Variants in SPON1 observed in about 807,000 individuals in gnomAD.
The protein encoded by SPON1 is spondin 1.
Under a neutral mutation model 111.7 loss-of-function variants are expected in SPON1, and 52 were observed. That is an observed-to-expected ratio of 0.47 (90% CI 0.37 to 0.59). The LOEUF (loss-of-function observed/expected upper bound fraction) is 0.59. Ranked by LOEUF, SPON1 falls within the 20% of genes least tolerant of loss-of-function variation. SPON1 has a pLI of 0.00. For synonymous variants in SPON1, 410 were observed against 395.8 expected, an observed-to-expected ratio of 1.04 and a Z score of -0.43; for missense variants, 957 against 1,068.5, an observed-to-expected ratio of 0.90 and a Z score of 1.46.
intron 2 of SPON1, among the ~76,000 whole-genome samples, chr11:14,015,764 G>GT (rs1554914236): frequency 4.6e-5 from 7 of 152,198 alleles, no homozygotes. Flanking sequence ...TATGTTGGCT[G>GT]TTTGGCGATG....
At chr11:14,172,064 G>A (rs1168971706) in intron 6 of SPON1, among the ~76,000 whole-genome samples, 32 of 152,056 alleles carry the variant, frequency 2.1e-4, no homozygotes, top group East Asian at 9.7e-4. Flanking sequence ...TTTCTGTCTC[G>A]TTGATCTGTC....
chr11:14,218,252 T>C (rs1392166545), intron 6 of SPON1, among the ~76,000 whole-genome samples: 1 of 152,140 alleles, frequency 6.6e-6, no homozygotes, highest in Non-Finnish European at 1.5e-5. Flanking sequence ...ATATCATACC[T>C]CCTTCTCCCT....
rs566448136 is a variant in SPON1, at chr11:14,000,076, C to T, written c.345+17123C>T. Among the ~76,000 whole-genome samples the T allele has an allele frequency of 2.6e-5, 4 of 152,322 alleles. No homozygotes were observed. In the South Asian group the frequency reaches 6.2e-4, roughly 24 times the overall value. On this transcript the variant is annotated intron_variant, in intron 2 of 15. Coordinates refer to ENST00000576479, the MANE Select transcript of SPON1 (RefSeq NM_006108.4). ...TAATTATTCAACATGGTTCATCTCT[C>T]TAGCATTCCAAGGTTTTTCTATGTT...
intron 3 of SPON1, among the ~76,000 whole-genome samples, chr11:14,051,707 T>C (rs1848709295): frequency 6.6e-6 from 1 of 152,176 alleles, no homozygotes; most frequent in Non-Finnish European, 1.5e-5. Context: ...AAATAAATTC[T>C]GTTGTTTATA....
chr11:14,184,806 GC>G (rs1180093045), intron 6 of SPON1, among the ~76,000 whole-genome samples: 4 of 152,176 alleles, frequency 2.6e-5, no homozygotes, highest in Admixed American at 6.5e-5. Context: ...AAAACAACAG[GC>G]CTATTTGCCC....
intron 3 of SPON1, among the ~76,000 whole-genome samples, chr11:14,046,993 A>C (rs1309594971): frequency 2.6e-5 from 4 of 152,114 alleles, no homozygotes; most frequent in Non-Finnish European, 4.4e-5. Context: ...TGTGCTTTCT[A>C]ATCATTGATC....
At chr11:13,976,808 T>C (rs1848106954) in intron 1 of SPON1, among the ~76,000 whole-genome samples, 2 of 152,242 alleles carry the variant, frequency 1.3e-5, no homozygotes, top group Admixed American at 1.3e-4. Context: ...AGATCATGAC[T>C]AGCTCTTCAG....
intron 6 of SPON1, among the ~76,000 whole-genome samples, chr11:14,154,247 A>G (rs1488505052): frequency 6.6e-6 from 1 of 152,208 alleles, no homozygotes; most frequent in African/African-American, 2.4e-5. Context: ...TCCCCTCTGC[A>G]CTGTCATAGT....
At chr11:14,028,048 G>A (rs982238570) in intron 2 of SPON1, among the ~76,000 whole-genome samples, 22 of 152,152 alleles carry the variant, frequency 1.4e-4, no homozygotes, top group African/African-American at 4.6e-4. Flanking sequence ...TAAATCCAGC[G>A]GTTATTAGCT....
intron 5 of SPON1, among the ~76,000 whole-genome samples, chr11:14,084,647 C>T (rs921162735): frequency 1.3e-5 from 2 of 152,170 alleles, no homozygotes; most frequent in African/African-American, 4.8e-5. Flanking sequence ...GATTTATAAT[C>T]CTTTGGGTAT....
chr11:14,258,730 T>C (rs1554941511), intron 11 of SPON1, among the ~76,000 whole-genome samples: 1 of 152,200 alleles, frequency 6.6e-6, no homozygotes, highest in African/African-American at 2.4e-5. Flanking sequence ...TTCACGATGG[T>C]TTATTGCTAG....
intron 6 of SPON1, among the ~76,000 whole-genome samples, chr11:14,170,452 T>G (rs1348807307): frequency 2.0e-5 from 3 of 152,196 alleles, no homozygotes; most frequent in Admixed American, 6.5e-5. Context: ...CAGGGACAAT[T>G]TGACTTCCTC....
chr11:14,096,337 A>T (rs1486167970), intron 5 of SPON1, among the ~76,000 whole-genome samples: 4 of 151,974 alleles, frequency 2.6e-5, no homozygotes, highest in Admixed American at 2.0e-4. Context: ...GTCCCAGAGG[A>T]TTTCTCTCAC....
In SPON1 at chr11:13,966,763, A is replaced by C. The variant is rs535340446; in HGVS notation, c.238+3621A>C. ...CTTTGATGTTGGGTGGGTTGGTTTC[A>C]GGTCCTCCTTGGTCACATATTCACT... On this transcript the variant is annotated intron_variant, in intron 1 of 15. Transcript: ENST00000576479. Among the ~76,000 whole-genome samples, 185 of 152,318 alleles carry C rather than the reference A, an allele frequency of 1.2e-3. 2 individuals are homozygous for C. Among genetic ancestry groups the C allele is most frequent in the Non-Finnish European group, 1.6e-3 (108 of 68,026 alleles).
chr11:13,963,214 G>A (rs1554907716), intron 1 of SPON1, 72 bp downstream of exon 1: 12 of 1,206,696 alleles, frequency 9.9e-6, no homozygotes, highest in African/African-American at 9.7e-5. Context: ...TCGCGGTGCC[G>A]GAGGAGGGCG....
At chr11:14,221,514 A>G (rs1315309178) in intron 6 of SPON1, among the ~76,000 whole-genome samples, 4 of 152,228 alleles carry the variant, frequency 2.6e-5, no homozygotes, top group African/African-American at 9.6e-5. Context: ...ACATTATAAT[A>G]CAGTGTGATG....
intron 7 of SPON1, among the ~76,000 whole-genome samples, chr11:14,252,668 C>T (rs994615746): frequency 6.7e-6 from 1 of 149,444 alleles, no homozygotes. Context: ...GAATCCAGCG[C>T]TATGTACTTG....
chr11:13,991,912 GC>G (rs1276018859), intron 2 of SPON1, among the ~76,000 whole-genome samples: 2 of 152,156 alleles, frequency 1.3e-5, no homozygotes, highest in Non-Finnish European at 2.9e-5. Context: ...AAAGATTGTT[GC>G]CTGATCTTTC....
chr11:14,233,024 T>G (rs4756781), intron 6 of SPON1, among the ~76,000 whole-genome samples: 123,374 of 151,680 alleles, frequency 0.81, 50,317 homozygotes, highest in East Asian at 0.89. Flanking sequence ...TAGTCTGCTT[T>G]GCTCTCCCCC....
Sources: gnomAD v4.1 joint callset for allele counts (sites outside exome capture counted in the v4.1 genomes callset) on GRCh38, gnomAD v4.1.1 for gene constraint, MANE v1.5 for transcripts, NCBI Gene and HGNC (gene_info 2026-07-23, HGNC 2026-07-21) for gene names.